The following TIAM2 variants were observed in gnomAD, a reference collection of about 807,000 sequenced individuals.
TIAM2 encodes the protein rho guanine nucleotide exchange factor TIAM2.
TIAM2 carries 80 observed loss-of-function variants against 152.9 expected under a neutral mutation model. The ratio of observed to expected loss-of-function variants is 0.52; its 90% CI spans 0.44 to 0.63. The LOEUF (loss-of-function observed/expected upper bound fraction) is 0.63. Ranked by LOEUF, TIAM2 falls within the 30% of genes least tolerant of loss-of-function variation. The pLI is 0.00. For synonymous variants in TIAM2, 804 were observed against 838.0 expected (o/e 0.96, Z 0.70); for missense variants, 1,965 against 2,120.1 (o/e 0.93, Z 1.44).
intron 1 of TIAM2, among the ~76,000 whole-genome samples, chr6:155,028,363 T>C (rs1776677773): frequency 9.0e-6 from 1 of 111,176 alleles, no homozygotes; most frequent in South Asian, 2.5e-4. Context: ...ATATACTACA[T>C]ATAATATATA....
intron 14 of TIAM2, among the ~76,000 whole-genome samples, chr6:155,185,300 C>T (rs897800325): frequency 2.0e-5 from 3 of 151,354 alleles, no homozygotes; most frequent in East Asian, 1.9e-4. Context: ...CTAATTTCTG[C>T]GTTTTTAATA....
At chr6:155,002,873 T>C (rs1426710578) in intron 1 of TIAM2, among the ~76,000 whole-genome samples, 1 of 151,456 alleles carries the variant, frequency 6.6e-6, no homozygotes, top group African/African-American at 2.4e-5. Context: ...GTTTTTTTTT[T>C]AGTAGAGACA....
chr6:155,172,659 T>TATATAGATATATAGATATATAG (rs1780622445), intron 9 of TIAM2, among the ~76,000 whole-genome samples: 1 of 9,040 alleles, frequency 1.1e-4, no homozygotes, highest in African/African-American at 2.8e-4. Flanking sequence ...TATATATATA[T>TATATAGATATATAGATATATAG]ATATATATAT....
chr6:155,100,404 AT>A (rs1168216108), intron 2 of TIAM2, among the ~76,000 whole-genome samples: 1 of 152,154 alleles, frequency 6.6e-6, no homozygotes, highest in Non-Finnish European at 1.5e-5. Context: ...CTCTGTGAAA[AT>A]TTTGCTTGAT....
intron 1 of TIAM2, among the ~76,000 whole-genome samples, chr6:155,080,678 C>T (rs1778043751): frequency 6.6e-6 from 1 of 152,128 alleles, no homozygotes. Context: ...CATGATCCGC[C>T]CACCTCAGCC....
intron 7 of TIAM2, among the ~76,000 whole-genome samples, chr6:155,151,984 A>G (rs1299226815): frequency 6.6e-6 from 1 of 151,452 alleles, no homozygotes; most frequent in Non-Finnish European, 1.5e-5. Flanking sequence ...AGCTGGGATT[A>G]CAGGCGCCCG....
rs1778197499 is a variant in TIAM2 at position 154,995,533 on chromosome 6, C to T, written c.-209+41C>T. The T allele has an allele frequency of 6.7e-6, 1 of 149,946 alleles. No homozygotes were observed. 9.3% of individuals were successfully genotyped at this position (149,946 alleles called of 1,614,324 possible). ...GTGAGGGCGCAGGAGGGCGACGACC[C>T]GCGCTGGTTGGCGGCGGCTCCAGGT... is the stretch of plus-strand genomic sequence containing the variant. On this transcript the variant is annotated intron_variant, in intron 1 of 26. Transcript: ENST00000682666. This position sits in a 1 kb window ranked among gnomAD's most constrained non-coding sequence, Gnocchi z 5.2.
intron 14 of TIAM2, among the ~76,000 whole-genome samples, chr6:155,195,565 A>G (rs1417164713): frequency 6.6e-6 from 1 of 151,042 alleles, no homozygotes; most frequent in Non-Finnish European, 1.5e-5. Flanking sequence ...GCTTACTTGT[A>G]TTTTAGTGTG....
intron 4 of TIAM2, among the ~76,000 whole-genome samples, chr6:155,131,237 G>C (rs1446674578): frequency 6.6e-6 from 1 of 152,058 alleles, no homozygotes; most frequent in Middle Eastern, 3.2e-3. Flanking sequence ...GCGGGTGCCT[G>C]TAATCCGAGC....
chr6:155,182,861 G>A (rs1174958579), intron 13 of TIAM2, among the ~76,000 whole-genome samples: 3 of 152,234 alleles, frequency 2.0e-5, no homozygotes, highest in Non-Finnish European at 2.9e-5. Flanking sequence ...AGTGAGCTGA[G>A]ATCTTTCAAA....
At chr6:155,189,740 G>A (rs986001695) in intron 14 of TIAM2, among the ~76,000 whole-genome samples, 10 of 152,082 alleles carry the variant, frequency 6.6e-5, no homozygotes, top group African/African-American at 4.8e-5. Flanking sequence ...AAAAAAAATT[G>A]CAATGAAGAG....
chr6:155,252,263 G>A (rs1029461458), intron 23 of TIAM2, among the ~76,000 whole-genome samples: 2 of 152,156 alleles, frequency 1.3e-5, no homozygotes, highest in African/African-American at 4.8e-5. Flanking sequence ...CTTGAGCCCA[G>A]GAATTTGAGA....
chr6:155,158,084 C>G (rs1214407081), intron 7 of TIAM2, among the ~76,000 whole-genome samples: 1 of 152,142 alleles, frequency 6.6e-6, no homozygotes, highest in East Asian at 1.9e-4. Flanking sequence ...GGGAGTTTTT[C>G]AGCTTCTTAC....
chr6:155,015,700 G>A (rs1034773803), intron 1 of TIAM2, among the ~76,000 whole-genome samples: 1 of 152,058 alleles, frequency 6.6e-6, no homozygotes, highest in Admixed American at 6.6e-5. Context: ...ACTTTGGGAG[G>A]CCTAAGCAGA....
At chr6:155,055,540 G>A (rs999097538) in intron 1 of TIAM2, among the ~76,000 whole-genome samples, 9 of 152,212 alleles carry the variant, frequency 5.9e-5, no homozygotes, top group Admixed American at 3.3e-4. Flanking sequence ...GGTTTCGTAC[G>A]TGAGATTTTT....
chr6:155,204,861 C>T (rs952677717), intron 14 of TIAM2, among the ~76,000 whole-genome samples: 1 of 152,088 alleles, frequency 6.6e-6, no homozygotes, highest in African/African-American at 2.4e-5. Context: ...AACAAATTTA[C>T]AGGCTCAGAG....
intron 14 of TIAM2, among the ~76,000 whole-genome samples, chr6:155,194,922 G>A (rs999214790): frequency 4.6e-5 from 7 of 152,040 alleles, no homozygotes; most frequent in East Asian, 1.9e-4. Context: ...TTTTATAAGG[G>A]GCTTCCCCCT....
intron 9 of TIAM2, among the ~76,000 whole-genome samples, chr6:155,169,864 G>A (rs765924168): frequency 5.9e-5 from 9 of 151,982 alleles, no homozygotes; most frequent in Non-Finnish European, 1.2e-4. Flanking sequence ...TGTTGCCCAG[G>A]CTGGAGTGCA....
At chr6:154,998,240 T>C (rs1778254541) in intron 1 of TIAM2, among the ~76,000 whole-genome samples, 4 of 152,168 alleles carry the variant, frequency 2.6e-5, no homozygotes. Flanking sequence ...GGCAAGAAAC[T>C]TGCAAGTAAG....
Sources: gnomAD v4.1 joint callset for allele counts (sites outside exome capture counted in the v4.1 genomes callset) on GRCh38, gnomAD v4.1.1 for gene constraint, Gnocchi (gnomAD v3.1) non-coding constraint, MANE v1.5 for transcripts, NCBI Gene and HGNC (gene_info 2026-07-23, HGNC 2026-07-21) for gene names.